The following FRAS1 variants were observed in gnomAD, a reference collection of about 807,000 sequenced individuals.
The protein encoded by FRAS1 is Fraser extracellular matrix complex subunit 1, also known as extracellular matrix organizing protein FRAS1.
Under a neutral mutation model 435.2 loss-of-function variants are expected in FRAS1, and 290 were observed. That is an observed-to-expected ratio of 0.67 (90% CI 0.61 to 0.73). FRAS1 has a LOEUF of 0.73. Ranked by LOEUF, FRAS1 falls within the 30% of genes least tolerant of loss-of-function variation. The pLI, the probability that FRAS1 is intolerant of heterozygous loss-of-function variation, is 0.00. For missense variants in FRAS1, 4,860 were observed against 5,001.5 expected, an observed-to-expected ratio of 0.97 and a Z score of 0.85; for synonymous variants, 1,800 against 1,851.0, an observed-to-expected ratio of 0.97 and a Z score of 0.71.
chr4:78,151,517 A>G (rs1167836027), intron 2 of FRAS1, among the ~76,000 whole-genome samples: 5 of 152,190 alleles, frequency 3.3e-5, no homozygotes, highest in Admixed American at 3.3e-4. Flanking sequence ...TGAGGGAGGC[A>G]GTATGTTTCA....
At chr4:78,378,777 C>A (rs986358456) in intron 26 of FRAS1, among the ~76,000 whole-genome samples, 1 of 151,998 alleles carries the variant, frequency 6.6e-6, no homozygotes, top group African/African-American at 2.4e-5. Flanking sequence ...ACACAAGTCC[C>A]TTTGTAGATA....
chr4:78,402,240 C>T (rs1203093890), intron 30 of FRAS1, among the ~76,000 whole-genome samples: 2 of 151,848 alleles, frequency 1.3e-5, no homozygotes, highest in African/African-American at 2.4e-5. Context: ...ACTCACTTGG[C>T]ATATTAAATA....
Position 78,387,713 on chromosome 4 carries a change from T to A in FRAS1, c.3975+12T>A, listed in dbSNP as rs755346516. On this transcript the variant is annotated intron_variant, in intron 29 of 73. Transcript: ENST00000512123. ...AGACCGTGCCTCAGGTAGGTGTCAT[T>A]CCTAGAGTTACAGTTTCTTTGCACC... is the stretch of plus-strand genomic sequence containing the variant. 6.7e-7 allele frequency: 1 copy of A among 1,483,180 alleles called. No homozygotes were observed. The highest frequency in any genetic ancestry group is 1.4e-5 in the African/African-American group (1 of 71,386). 91.9% of individuals were successfully genotyped at this position (1,483,180 alleles called of 1,614,324 possible).
At chr4:78,376,424 T>C (rs1731764213) in intron 26 of FRAS1, among the ~76,000 whole-genome samples, 4 of 152,156 alleles carry the variant, frequency 2.6e-5, no homozygotes, top group Non-Finnish European at 5.9e-5. Flanking sequence ...ATATCTAAAA[T>C]AGAAAAGGTA....
intron 2 of FRAS1, among the ~76,000 whole-genome samples, chr4:78,217,000 G>A (rs1023226129): frequency 2.9e-4 from 44 of 152,274 alleles, no homozygotes; most frequent in African/African-American, 1.0e-3. Context: ...TAGTCAGTGA[G>A]ATTACACTGA....
chr4:78,327,465 T>C (rs538651676), intron 18 of FRAS1, among the ~76,000 whole-genome samples: 1 of 152,168 alleles, frequency 6.6e-6, no homozygotes, highest in Non-Finnish European at 1.5e-5. Flanking sequence ...GTAGTATCGG[T>C]TGTTTGAAAT....
At chr4:78,416,026 C>A (rs978818937) in intron 32 of FRAS1, among the ~76,000 whole-genome samples, 2 of 152,110 alleles carry the variant, frequency 1.3e-5, no homozygotes, top group African/African-American at 2.4e-5. Flanking sequence ...TGGAAGCAAT[C>A]TAAATGTCTA....
rs755101139 is a variant in FRAS1 at position 78,508,821 on chromosome 4, G to C, written c.9595G>C (p.Val3199Leu). 2.5e-6 allele frequency: 4 copies of C among 1,613,738 alleles called. No individual in the cohort carries two copies. In the East Asian group the frequency reaches 8.9e-5, roughly 36 times the overall value. The change falls in exon 63 of 74, where the codon GTC becomes CTC. Residue 3199 changes from valine to leucine, a missense_variant. Coordinates refer to ENST00000512123, the MANE Select transcript of FRAS1 (RefSeq NM_025074.7). ...SPSPGYPLVC[V>L]TPCDPHFPRY... ...CTCCCCAGGCTACCCACTGGTCTGTGTCACCCCCTGCGACCCTCATTTCCC... is the reference window on the plus strand; with the variant it reads ...CTCCCCAGGCTACCCACTGGTCTGTCTCACCCCCTGCGACCCTCATTTCCC...
At chr4:78,152,408 C>T (rs1720704143) in intron 2 of FRAS1, among the ~76,000 whole-genome samples, 1 of 152,014 alleles carries the variant, frequency 6.6e-6, no homozygotes, top group Non-Finnish European at 1.5e-5. Context: ...TTGTTTAGGG[C>T]CACTGTCTGC....
intron 2 of FRAS1, among the ~76,000 whole-genome samples, chr4:78,083,187 T>C (rs531485844): frequency 6.6e-6 from 1 of 152,244 alleles, no homozygotes; most frequent in African/African-American, 2.4e-5. Flanking sequence ...CTCCAGTACC[T>C]TCAGTTTGAA....
intron 67 of FRAS1, 70 bp downstream of exon 67, chr4:78,519,551 G>C (rs1721323844): frequency 1.3e-6 from 2 of 1,527,078 alleles, no homozygotes; most frequent in African/African-American, 1.4e-5. Flanking sequence ...AAGAAGAGTA[G>C]TGACTTTTAA....
rs767149360 is a variant in FRAS1 at position 78,481,947 on chromosome 4, C to T, written c.8587C>T (p.Pro2863Ser). ...CAGCTCTCGGAAGGTGGAATTTGGG[C>T]CTGGTGTCATTGAACAGGTGCGTTT... ...VPSSRKVEFG[P>S]GVIEQYCTLT... Residue 2863 changes from proline (P) to serine (S), a missense_variant, in exon 57 of 74, where the codon CCT becomes TCT. Transcript: ENST00000512123. 18 of 1,613,794 alleles carry T rather than the reference C, an allele frequency of 1.1e-5. No individual in the cohort carries two copies. The highest frequency in any genetic ancestry group is 1.5e-5 in the Non-Finnish European group (18 of 1,179,806).
chr4:78,487,199 A>G (rs1422850226), intron 58 of FRAS1, among the ~76,000 whole-genome samples: 9 of 152,296 alleles, frequency 5.9e-5, no homozygotes, highest in South Asian at 2.1e-4. Flanking sequence ...TTAGGCCTAC[A>G]GTTGTTAATT....
intron 47 of FRAS1, among the ~76,000 whole-genome samples, chr4:78,455,640 A>G (rs4975117): frequency 0.31 from 46,470 of 152,098 alleles, 8,334 homozygotes; most frequent in Admixed American, 0.4. Context: ...CTCTGTAGAC[A>G]GGAAAGGTGG....
intron 31 of FRAS1, among the ~76,000 whole-genome samples, chr4:78,412,152 G>A (rs999322963): frequency 6.8e-6 from 1 of 146,562 alleles, no homozygotes; most frequent in Non-Finnish European, 1.5e-5. Flanking sequence ...GATAAAGACA[G>A]AGAAGACAGG....
intron 2 of FRAS1, among the ~76,000 whole-genome samples, chr4:78,130,432 T>C (rs1453199847): frequency 6.6e-6 from 1 of 152,164 alleles, no homozygotes; most frequent in Non-Finnish European, 1.5e-5. Flanking sequence ...CACATACTTA[T>C]TGCTAGCAAT....
Position 78,450,328 on chromosome 4 carries a change from A to C in FRAS1, c.6452A>C (p.Asp2151Ala), listed in dbSNP as rs1393174424. ...KGPIRSFTQADISQGHVEYSH... is the reference protein window; with the variant it reads ...KGPIRSFTQAAISQGHVEYSH... ...CCCATCCGAAGTTTCACCCAGGCAG[A>C]CATTAGCCAAGGTCAGCCAGTTCTC... The change falls in exon 45 of 74, where the codon GAC (aspartate) becomes GCC (alanine). Residue 2151 changes from aspartate (D) to alanine (A), a missense_variant. By Grantham distance (126) the Asp-to-Ala change is moderately radical. Transcript: ENST00000512123. The C allele has an allele frequency of 1.9e-6, 3 of 1,613,722 alleles. No homozygotes were observed. In the Admixed American group the frequency reaches 5.0e-5, roughly 27 times the overall value.
intron 35 of FRAS1, among the ~76,000 whole-genome samples, chr4:78,425,704 C>T (rs765141679): frequency 3.2e-4 from 48 of 152,062 alleles, no homozygotes; most frequent in Non-Finnish European, 1.2e-4. Flanking sequence ...TTCATACAAT[C>T]AGTAATGATA....
chr4:78,068,389 A>G (rs1330833394), intron 2 of FRAS1, among the ~76,000 whole-genome samples: 1 of 152,204 alleles, frequency 6.6e-6, no homozygotes, highest in Non-Finnish European at 1.5e-5. Context: ...TGGATACCCA[A>G]GGGGAGAGAA....
Sources: allele counts gnomAD v4.1 joint callset (sites outside exome capture counted in the v4.1 genomes callset), GRCh38; gene constraint gnomAD v4.1.1; transcripts MANE v1.5; gene names NCBI Gene and HGNC (gene_info 2026-07-23, HGNC 2026-07-21).